The following LRP1 variants were observed in gnomAD, a reference collection of about 807,000 sequenced individuals.
LRP1 encodes LDL receptor related protein 1.
LRP1 carries 51 observed loss-of-function variants against 541.5 expected under a neutral mutation model. The ratio of observed to expected loss-of-function variants is 0.09; its 90% confidence interval spans 0.08 to 0.12. The LOEUF (loss-of-function observed/expected upper bound fraction) is 0.12, where lower values mean the gene tolerates loss of function less well. Ranked by LOEUF, LRP1 falls within the 10% of genes least tolerant of loss-of-function variation. LRP1 has a pLI of 1.00. For synonymous variants in LRP1, 2,219 were observed against 2,470.8 expected (o/e 0.90, Z 3.02); for missense variants, 3,878 against 6,376.2 (o/e 0.61, Z 13.34).
In LRP1 at chr12:57,204,806, G is replaced by C; in HGVS notation, c.11194+57G>C. Reference sequence around the variant, plus strand: ...GGACGGGTAGTGCACAGTGGGGTGAGTCTGGTCCTCGTGGGAGCTGCACTG... The same window carrying C: ...GGACGGGTAGTGCACAGTGGGGTGACTCTGGTCCTCGTGGGAGCTGCACTG... On this transcript the variant is annotated intron_variant, in intron 72 of 88. Coordinates refer to ENST00000243077, the MANE Select transcript of LRP1 (RefSeq NM_002332.3). This position sits in a 1 kb window ranked among gnomAD's most constrained non-coding sequence, Gnocchi z 5.3. The C allele has an allele frequency of 6.2e-7, 1 of 1,601,364 alleles. No homozygotes were observed. Among genetic ancestry groups the C allele is most frequent in the Non-Finnish European group, 8.5e-7 (1 of 1,170,406 alleles).
intron 42 of LRP1, 106 bp from the exon 43 acceptor site, chr12:57,190,699 T>A: frequency 9.9e-7 from 1 of 1,005,506 alleles, no homozygotes; most frequent in African/African-American, 1.6e-5. Flanking sequence ...GGGGTGGCTT[T>A]GCCCTGGCAG....
chr12:57,144,686 T>C (rs1013470016), intron 4 of LRP1: 23 of 448,402 alleles, frequency 5.1e-5, no homozygotes, highest in Non-Finnish European at 8.9e-5. Context: ...AATGTGGGTC[T>C]ATTTTAAAGT....
In LRP1 at chr12:57,204,937, G is replaced by T; in HGVS notation, c.11195-172G>T. On this transcript the variant is annotated intron_variant, in intron 72 of 88. Transcript: ENST00000243077. The surrounding 1 kb of genome is among the most constrained non-coding windows in gnomAD (Gnocchi z 5.3). ...AGAAGCCCCTGGGGAAGGCTCTGGG[G>T]GCTGCCTGATGCCTTAGGTCTTGGA... 7.6e-7 allele frequency: 1 copy of T among 1,322,764 alleles called. No homozygotes were observed. Among genetic ancestry groups the T allele is most frequent in the Non-Finnish European group, 1.0e-6 (1 of 971,332 alleles). 81.9% of individuals were successfully genotyped at this position (1,322,764 alleles called of 1,614,324 possible).
chr12:57,184,489 AC>A lies in LRP1; in HGVS notation c.6186+41del. 1 of 1,612,934 alleles carries A rather than the reference AC, an allele frequency of 6.2e-7. No homozygotes were observed. The highest frequency in any genetic ancestry group is 1.3e-5 in the African/African-American group (1 of 74,972). On this transcript the variant is annotated intron_variant, in intron 38 of 88. Coordinates refer to ENST00000243077, the MANE Select transcript of LRP1 (RefSeq NM_002332.3). The surrounding 1 kb of genome is among the most constrained non-coding windows in gnomAD (Gnocchi z 7.8). Reference sequence around the variant, plus strand: ...AACTTGGCCTTGGATCCGATGGTAGACCCCTGACCCAGGCTCCTGTTCCCTG... The same window carrying A: ...AACTTGGCCTTGGATCCGATGGTAGACCCTGACCCAGGCTCCTGTTCCCTG...
At chr12:57,166,001 G>C in intron 16 of LRP1, 56 bp downstream of exon 16, 4 of 1,612,422 alleles carry the variant, frequency 2.5e-6, no homozygotes, top group Non-Finnish European at 3.4e-6. Context: ...GGGCAGCTCG[G>C]CTCTGGCAGT....
At chr12:57,210,576 C>T (rs1038598894) in intron 82 of LRP1, 96 bp downstream of exon 82, 32 of 1,428,294 alleles carry the variant, frequency 2.2e-5, no homozygotes, top group East Asian at 4.7e-5. Flanking sequence ...GCCCCTGCCT[C>T]GCCTCCAGCC....
chr12:57,145,146 A>G (rs2035376900), intron 5 of LRP1, 46 bp downstream of exon 5: 7 of 1,613,446 alleles, frequency 4.3e-6, no homozygotes, highest in South Asian at 1.1e-5. Context: ...AGCCCCCTCA[A>G]TGCTGTTCCC....
intron 6 of LRP1, among the ~76,000 whole-genome samples, chr12:57,152,166 G>A (rs770413188): frequency 1.3e-5 from 2 of 152,078 alleles, no homozygotes; most frequent in African/African-American, 2.4e-5. Context: ...CTGGGATAGC[G>A]GCATCAGATC....
rs530408875 is a variant in LRP1, at chr12:57,185,442, G to T, written c.6464-89G>T. 4.3e-4 allele frequency: 635 copies of T among 1,469,368 alleles called. 4 individuals carry two copies. The highest frequency in any genetic ancestry group is 4.1e-3 in the Middle Eastern group (16 of 3,950). 91.0% of individuals were successfully genotyped at this position (1,469,368 alleles called of 1,614,324 possible). On this transcript the variant is annotated intron_variant, in intron 40 of 88. Coordinates refer to ENST00000243077, the MANE Select transcript of LRP1 (RefSeq NM_002332.3). The surrounding 1 kb of genome is among the most constrained non-coding windows in gnomAD (Gnocchi z 4.9). ...CAAGCTGGGAATACCGAGGCAGAGG[G>T]CAGAGCTTTCGCCAAAGCCTGGATG... is the stretch of plus-strand genomic sequence containing the variant.
At position 57,178,972 on chromosome 12, in the gene LRP1, C is replaced by T. The variant is rs764099804; in HGVS notation, c.4689C>T (p.Cys1563=). The T allele has an allele frequency of 2.4e-5, 38 of 1,613,984 alleles. No individual in the cohort carries two copies. The Admixed American group carries it at 2.7e-4, about 11-fold the overall frequency. ...CLINYNRTVS[C]ACPHLMKLHK... ...TCAACTACAACCGGACCGTGTCCTGCGCCTGCCCCCACCTCATGAAGCTCC... is the reference window on the plus strand; with the variant it reads ...TCAACTACAACCGGACCGTGTCCTGTGCCTGCCCCCACCTCATGAAGCTCC... Residue 1563 remains cysteine (C), a synonymous_variant, in exon 28 of 89, where the codon TGC becomes TGT. Transcript: ENST00000243077. This position sits in a 1 kb window ranked among gnomAD's most constrained non-coding sequence, Gnocchi z 5.8.
chr12:57,147,130 G>A (rs2035426603), intron 6 of LRP1, among the ~76,000 whole-genome samples: 1 of 151,798 alleles, frequency 6.6e-6, no homozygotes, highest in African/African-American at 2.4e-5. Context: ...CCTCTCAGGG[G>A]CAGAGTCCAG....
chr12:57,143,915 G>A, intron 4 of LRP1, 117 bp downstream of exon 4: 2 of 1,344,640 alleles, frequency 1.5e-6, no homozygotes, highest in South Asian at 1.7e-5. Flanking sequence ...GAAGGAAGGT[G>A]CAAGAGAGGG....
rs2036786408 is a variant in LRP1 at position 57,206,685 on chromosome 12, C to T, written c.11803C>T (p.Pro3935Ser). The T allele has an allele frequency of 1.2e-6, 2 of 1,613,546 alleles. No individual in the cohort carries two copies. Among genetic ancestry groups the T allele is most frequent in the Non-Finnish European group, 1.7e-6 (2 of 1,180,040 alleles). The change falls in exon 76 of 89, where the codon CCT becomes TCT. Residue 3935 changes from proline to serine, a missense_variant. This residue lies in a region of LRP1 where 871 missense variants were observed against 1,212.4 expected (regional missense o/e 0.72). Coordinates refer to ENST00000243077, the MANE Select transcript of LRP1 (RefSeq NM_002332.3). The surrounding 1 kb of genome is among the most constrained non-coding windows in gnomAD (Gnocchi z 4.7). The stretch of plus-strand genomic sequence containing the variant: ...CCGCAGCCTGCCACCTGCTGCGCCT[C>T]CTACCACTTCCAACCGCCACCGGCG... ...SYRSLPPAAP[P>S]TTSNRHRRQI...
chr12:57,200,715 G>A lies in LRP1; in HGVS notation c.10125G>A (p.Arg3375=). 6.2e-7 allele frequency: 1 copy of A among 1,613,898 alleles called. No homozygotes were observed. Among genetic ancestry groups the A allele is most frequent in the Non-Finnish European group, 8.5e-7 (1 of 1,179,986 alleles). ...EPPDCPEFKC[R]PGQFQCSTGI... ...CTCTGGCAGCTGAGTTCAAGTGCCG[G>A]CCCGGACAGTTCCAGTGCTCCACAG... The change falls in exon 64 of 89, where the codon CGG becomes CGA. Residue 3375 remains arginine (R), a synonymous_variant. Coordinates refer to ENST00000243077, the MANE Select transcript of LRP1 (RefSeq NM_002332.3).
Position 57,158,703 on chromosome 12 carries a change from T to C in LRP1, c.1798+65T>C. The C allele has an allele frequency of 6.9e-7, 1 of 1,444,592 alleles. No individual in the cohort carries two copies. Among genetic ancestry groups the C allele is most frequent in the Non-Finnish European group, 9.7e-7 (1 of 1,033,750 alleles). The allele number at this position is 1,444,592 out of a possible 1,614,324, so 89.5% of individuals were successfully genotyped here. ...GGGCTGGGGCCCAGGCATCTGTTTC[T>C]CGGTGCCCTCTCAGCAGGATGGTCC... On this transcript the variant is annotated intron_variant, in intron 11 of 88. Coordinates refer to ENST00000243077, the MANE Select transcript of LRP1 (RefSeq NM_002332.3). The surrounding 1 kb of genome is among the most constrained non-coding windows in gnomAD (Gnocchi z 5.3).
rs536673970 is a variant in LRP1, at chr12:57,166,000, G to A, written c.2671+55G>A. 2.5e-5 allele frequency: 40 copies of A among 1,612,108 alleles called. No individual in the cohort carries two copies. The South Asian group carries it at 3.3e-4, about 13-fold the overall frequency. The stretch of plus-strand genomic sequence containing the variant: ...GGATGGCAGGCCTGCAGGGCAGCTC[G>A]GCTCTGGCAGTGCCTATACTGGAGC... On this transcript the variant is annotated intron_variant, in intron 16 of 88. Coordinates refer to ENST00000243077, the MANE Select transcript of LRP1 (RefSeq NM_002332.3). This position sits in a 1 kb window ranked among gnomAD's most constrained non-coding sequence, Gnocchi z 4.5.
In LRP1 at chr12:57,141,461, A is replaced by G. The variant is rs765480065; in HGVS notation, c.278A>G (p.Asn93Ser). Reference protein sequence around the residue: ...ELCVPMSRLCNGVQDCMDGSD... With the variant: ...ELCVPMSRLCSGVQDCMDGSD... ...TGTGTTCCCATGTCCCGCCTCTGCA[A>G]TGGGGTCCAGGACTGCATGGACGGC... is the stretch of plus-strand genomic sequence containing the variant. The change falls in exon 3 of 89, where the codon AAT (asparagine) becomes AGT (serine). Residue 93 changes from asparagine to serine, a missense_variant. Physicochemically the swap from Asn to Ser is conservative, Grantham distance 46. Coordinates refer to ENST00000243077, the MANE Select transcript of LRP1 (RefSeq NM_002332.3). The G allele has an allele frequency of 6.8e-6, 11 of 1,614,192 alleles. No individual in the cohort carries two copies. Among genetic ancestry groups the G allele is most frequent in the East Asian group, 6.7e-5 (3 of 44,882 alleles).
intron 68 of LRP1, 57 bp downstream of exon 68, chr12:57,202,594 C>T (rs1018039586): frequency 6.9e-6 from 9 of 1,299,778 alleles, no homozygotes; most frequent in Non-Finnish European, 9.4e-6. Context: ...GCCCTTGTCT[C>T]GCGGCCCTCC....
At chr12:57,152,094 C>T (rs541539786) in intron 6 of LRP1, among the ~76,000 whole-genome samples, 5 of 152,128 alleles carry the variant, frequency 3.3e-5, no homozygotes, top group South Asian at 2.1e-4. Flanking sequence ...CCTTCCTTCC[C>T]GGAATTGGGA....
Sources: allele counts gnomAD v4.1 joint callset (sites outside exome capture counted in the v4.1 genomes callset), GRCh38; gene constraint gnomAD v4.1.1; regional missense constraint gnomAD v4.1.1; non-coding constraint Gnocchi (gnomAD v3.1); transcripts MANE v1.5; gene names NCBI Gene and HGNC (gene_info 2026-07-23, HGNC 2026-07-21).